The following GNPTAB variants were observed in gnomAD, a reference collection of about 807,000 sequenced individuals.
GNPTAB encodes the protein N-acetylglucosamine-1-phosphate transferase subunits alpha and beta, also known as N-acetylglucosamine-1-phosphotransferase subunits alpha/beta.
Under a neutral mutation model 136.6 loss-of-function variants are expected in GNPTAB, and 92 were observed. The ratio of observed to expected loss-of-function variants is 0.67; its 90% CI spans 0.57 to 0.80. The LOEUF is 0.80. Ranked by LOEUF, GNPTAB falls within the 30% of genes least tolerant of loss-of-function variation. The pLI is 0.00. For missense variants in GNPTAB, 1,343 were observed against 1,501.8 expected (o/e 0.89, Z 1.75); for synonymous variants, 512 against 535.1 (o/e 0.96, Z 0.60).
At chr12:101,784,515 G>A (rs1868521462) in intron 5 of GNPTAB, among the ~76,000 whole-genome samples, 1 of 152,168 alleles carries the variant, frequency 6.6e-6, no homozygotes, top group African/African-American at 2.4e-5. Flanking sequence ...TAAAGGCAGT[G>A]AACCCATAAA....
chr12:101,762,903 TAAA>T (rs35645073), intron 13 of GNPTAB, among the ~76,000 whole-genome samples: 1 of 125,190 alleles, frequency 8.0e-6, no homozygotes, highest in Non-Finnish European at 1.7e-5. Context: ...TTTGTAAATT[TAAA>T]AAAAAAAAAA....
At chr12:101,756,452 G>A (rs933880285) in intron 18 of GNPTAB, 5 of 400,788 alleles carry the variant, frequency 1.2e-5, no homozygotes, top group Non-Finnish European at 2.4e-5. Context: ...GCTCATGTCT[G>A]TGGTTCCACT....
chr12:101,761,008 T>C, intron 15 of GNPTAB, 119 bp downstream of exon 15: 1 of 763,524 alleles, frequency 1.3e-6, no homozygotes, highest in East Asian at 2.7e-5. Context: ...CTCGAACTCC[T>C]GAGCTCAGCT....
At chr12:101,750,075 G>A (rs1478928538) in intron 19 of GNPTAB, among the ~76,000 whole-genome samples, 1 of 152,158 alleles carries the variant, frequency 6.6e-6, no homozygotes, top group Non-Finnish European at 1.5e-5. Context: ...ATAAGCAACA[G>A]AAGAGACATT....
At chr12:101,798,970 C>G (rs552077122) in intron 1 of GNPTAB, among the ~76,000 whole-genome samples, 2 of 152,056 alleles carry the variant, frequency 1.3e-5, no homozygotes, top group Non-Finnish European at 1.5e-5. Flanking sequence ...AATGGTTTGA[C>G]ACGTACCATA....
At chr12:101,801,230 TCAA>T (rs1869603049) in intron 1 of GNPTAB, among the ~76,000 whole-genome samples, 2 of 14,504 alleles carry the variant, frequency 1.4e-4, no homozygotes, top group African/African-American at 6.8e-4. Flanking sequence ...AGACCCTGTC[TCAA>T]AAAAAAAAAA....
chr12:101,777,547 G>C (rs1022462497), intron 7 of GNPTAB, among the ~76,000 whole-genome samples: 1 of 152,100 alleles, frequency 6.6e-6, no homozygotes, highest in African/African-American at 2.4e-5. Context: ...TTCTCTGCTG[G>C]GAGAATGGCT....
chr12:101,810,274 G>A (rs1441976908), intron 1 of GNPTAB, among the ~76,000 whole-genome samples: 2 of 151,888 alleles, frequency 1.3e-5, no homozygotes, highest in East Asian at 1.9e-4. Context: ...AATAAAACAA[G>A]CCTATTAAAA....
chr12:101,765,662 G>A (rs1192613656), intron 12 of GNPTAB: 2 of 356,762 alleles, frequency 5.6e-6, no homozygotes, highest in African/African-American at 4.2e-5. Context: ...ATATGGCATG[G>A]TTCTTAACAA....
intron 1 of GNPTAB, among the ~76,000 whole-genome samples, chr12:101,821,071 A>G (rs1178954570): frequency 6.6e-6 from 1 of 151,638 alleles, no homozygotes; most frequent in African/African-American, 2.4e-5. Context: ...AAAAAAAAAA[A>G]AAAAAAAAGC....
chr12:101,783,871 T>C (rs1868480542), intron 5 of GNPTAB, among the ~76,000 whole-genome samples: 1 of 151,958 alleles, frequency 6.6e-6, no homozygotes, highest in South Asian at 2.1e-4. Context: ...CATGCCATCA[T>C]GCCAGACTAA....
At chr12:101,762,277 GGCAAA>G (rs1953009072) in intron 13 of GNPTAB, among the ~76,000 whole-genome samples, 1 of 152,072 alleles carries the variant, frequency 6.6e-6, no homozygotes, top group African/African-American at 2.4e-5. Context: ...AAAGAAAATT[GGCAAA>G]GCATTCAAAC....
At position 101,770,198 on chromosome 12, in the gene GNPTAB, A is replaced by T; in HGVS notation, c.1114-7T>A. ...TCAAATTTCGAAAAACATCCTTTTAACAACAACAAACAAAAAAAGAGAGTG... is the reference window on the plus strand; with the variant it reads ...TCAAATTTCGAAAAACATCCTTTTATCAACAACAAACAAAAAAAGAGAGTG... On this transcript the variant is annotated splice_polypyrimidine_tract_variant and splice_region_variant and intron_variant, in intron 9 of 20. Coordinates refer to ENST00000299314, the MANE Select transcript of GNPTAB (RefSeq NM_024312.5). The T allele has an allele frequency of 6.2e-7, 1 of 1,613,882 alleles. No homozygotes were observed. Among genetic ancestry groups the T allele is most frequent in the South Asian group, 1.1e-5 (1 of 91,076 alleles).
chr12:101,818,717 A>G (rs1870643191), intron 1 of GNPTAB, among the ~76,000 whole-genome samples: 1 of 152,088 alleles, frequency 6.6e-6, no homozygotes, highest in South Asian at 2.1e-4. Context: ...TGGCTAATAT[A>G]GTTTGCCTGT....
chr12:101,828,529 C>A (rs550252733), intron 1 of GNPTAB, among the ~76,000 whole-genome samples: 1 of 152,104 alleles, frequency 6.6e-6, no homozygotes, highest in South Asian at 2.1e-4. Context: ...TGTGGTGGCA[C>A]GCACCTGTAA....
Position 101,749,189 on chromosome 12 carries a change from C to T in GNPTAB, c.3605G>A (p.Arg1202Lys). ...FLHMHELQEW[R>K]AYRDKLKFWT... The stretch of plus-strand genomic sequence containing the variant: ...AAACTTCAATTTGTCTCGATAAGCC[C>T]TCCTGTGCAGAGAGAAGAAAGCAAC... Residue 1202 changes from arginine to lysine, a missense_variant and splice_region_variant, in exon 20 of 21, where the codon AGG becomes AAG. Coordinates refer to ENST00000299314, the MANE Select transcript of GNPTAB (RefSeq NM_024312.5). 1 of 1,597,516 alleles carries T rather than the reference C, an allele frequency of 6.3e-7. No individual in the cohort carries two copies. The highest frequency in any genetic ancestry group is 8.6e-7 in the Non-Finnish European group (1 of 1,165,046).
chr12:101,747,348 T>G (rs1952748997), intron 20 of GNPTAB, 107 bp from the exon 21 acceptor site: 15 of 696,882 alleles, frequency 2.2e-5, no homozygotes, highest in Non-Finnish European at 3.1e-5. Context: ...TTCCACAATC[T>G]TATACATTAA....
chr12:101,778,726 G>A (rs1395027054), intron 7 of GNPTAB: 2 of 152,196 alleles, frequency 1.3e-5, no homozygotes, highest in African/African-American at 2.4e-5. Context: ...GGTCAACACG[G>A]CGAAACCCCC....
intron 20 of GNPTAB, among the ~76,000 whole-genome samples, chr12:101,748,490 T>C (rs1251107402): frequency 1.3e-5 from 2 of 152,222 alleles, no homozygotes; most frequent in African/African-American, 4.8e-5. Flanking sequence ...ATGAGGACTC[T>C]CTTATCCCTT....
Sources: gnomAD v4.1 joint callset for allele counts (sites outside exome capture counted in the v4.1 genomes callset) on GRCh38, gnomAD v4.1.1 for gene constraint, MANE v1.5 for transcripts, NCBI Gene and HGNC (gene_info 2026-07-23, HGNC 2026-07-21) for gene names.